CDC42BPB: variants seen among roughly 807,000 people sequenced by gnomAD.
CDC42BPB encodes the protein CDC42 binding protein kinase beta.
Under a neutral mutation model 214.9 loss-of-function variants are expected in CDC42BPB, and 37 were observed. The ratio of observed to expected loss-of-function variants is 0.17; its 90% CI spans 0.13 to 0.23. CDC42BPB has a LOEUF of 0.23. CDC42BPB is among the 10% of genes least tolerant of loss of function. CDC42BPB has a pLI of 1.00. For missense variants in CDC42BPB, 1,694 were observed against 2,227.0 expected, an observed-to-expected ratio of 0.76 and a Z score of 4.82; for synonymous variants, 931 against 884.0, an observed-to-expected ratio of 1.05 and a Z score of -0.94.
chr14:102,953,829 C>T (rs1892596964), intron 23 of CDC42BPB, among the ~76,000 whole-genome samples: 1 of 152,150 alleles, frequency 6.6e-6, no homozygotes, highest in African/African-American at 2.4e-5. Flanking sequence ...CCACATGGTT[C>T]TGTAAGGTTC....
rs764315898 is a variant in CDC42BPB, at chr14:102,954,586, G to A, written c.2988+16C>T. 1.2e-6 allele frequency: 2 copies of A among 1,607,314 alleles called. No homozygotes were observed. The highest frequency in any genetic ancestry group is 2.2e-5 in the East Asian group (1 of 44,780). ...AGACCCCAGGTGGGAGCATCACCAG[G>A]GCAACGCTGTCTCACCTCCTGCTGC... is the stretch of plus-strand genomic sequence containing the variant. On this transcript the variant is annotated intron_variant, in intron 22 of 36. Coordinates refer to ENST00000361246, the MANE Select transcript of CDC42BPB (RefSeq NM_006035.4).
chr14:103,029,196 G>C (rs1011887812), intron 1 of CDC42BPB, among the ~76,000 whole-genome samples: 24 of 152,162 alleles, frequency 1.6e-4, no homozygotes, highest in African/African-American at 5.8e-4. Context: ...GTCTCTGGAA[G>C]AAAAAATACT....
intron 5 of CDC42BPB, among the ~76,000 whole-genome samples, chr14:102,995,044 T>C (rs2139575025): frequency 6.6e-6 from 1 of 152,362 alleles, no homozygotes; most frequent in South Asian, 2.1e-4. Flanking sequence ...CTCAACTTTC[T>C]ACTTTAGCTT....
At chr14:102,980,515 G>A (rs539900210) in intron 8 of CDC42BPB, among the ~76,000 whole-genome samples, 2 of 152,218 alleles carry the variant, frequency 1.3e-5, no homozygotes, top group South Asian at 4.1e-4. Context: ...CAAGTACTGT[G>A]AAAATAAAAG....
rs1333408742 is a variant in CDC42BPB at position 102,932,762 on chromosome 14, C to A, written c.*950G>T. On this transcript the variant is annotated 3_prime_UTR_variant, in exon 37 of 37. Coordinates refer to ENST00000361246, the MANE Select transcript of CDC42BPB (RefSeq NM_006035.4). ...TACAAAGGGTGAGGTGAAATCCACGCGCAGGGGATTGCTGTGCCGTGGGCC... is the reference window on the plus strand; with the variant it reads ...TACAAAGGGTGAGGTGAAATCCACGAGCAGGGGATTGCTGTGCCGTGGGCC... 2.0e-5 allele frequency: 3 copies of A among 152,368 alleles called. No homozygotes were observed. Among genetic ancestry groups the A allele is most frequent in the African/African-American group, 7.3e-5 (3 of 41,316 alleles). 9.4% of individuals were successfully genotyped at this position (152,368 alleles called of 1,614,324 possible).
chr14:103,056,437 G>A (rs1394240726), intron 1 of CDC42BPB, among the ~76,000 whole-genome samples: 7 of 152,204 alleles, frequency 4.6e-5, no homozygotes, highest in Admixed American at 3.9e-4. Flanking sequence ...GGGGATGCAA[G>A]GGGGTCCCAC....
chr14:103,012,748 T>A (rs1034013052), intron 1 of CDC42BPB, among the ~76,000 whole-genome samples: 3 of 152,108 alleles, frequency 2.0e-5, no homozygotes, highest in Non-Finnish European at 4.4e-5. Flanking sequence ...GAGGTTACAA[T>A]GAGCCAAGAT....
chr14:102,978,370 ATCTG>A, intron 8 of CDC42BPB, 165 bp from the exon 9 acceptor site: 3 of 984,402 alleles, frequency 3.0e-6, no homozygotes, highest in Non-Finnish European at 3.6e-6. Context: ...AGTATAGCAG[ATCTG>A]TCTTTCTCAA....
At chr14:103,046,520 T>C (rs1888294061) in intron 1 of CDC42BPB, among the ~76,000 whole-genome samples, 1 of 152,000 alleles carries the variant, frequency 6.6e-6, no homozygotes, top group Admixed American at 6.6e-5. Context: ...ACAGACAAGG[T>C]AGGAGGCAAA....
At chr14:102,939,237 C>A (rs1490727286) in intron 34 of CDC42BPB, among the ~76,000 whole-genome samples, 1 of 152,240 alleles carries the variant, frequency 6.6e-6, no homozygotes, top group Non-Finnish European at 1.5e-5. Context: ...CCACGCCCAG[C>A]CAAAAACATA....
chr14:103,023,993 AG>A (rs1451697983), intron 1 of CDC42BPB, among the ~76,000 whole-genome samples: 1 of 152,178 alleles, frequency 6.6e-6, no homozygotes, highest in East Asian at 1.9e-4. Context: ...CCCCAGGAAC[AG>A]GATCACAGGA....
intron 3 of CDC42BPB, among the ~76,000 whole-genome samples, chr14:103,005,957 C>T (rs1447076815): frequency 1.4e-5 from 2 of 145,470 alleles, no homozygotes; most frequent in East Asian, 2.0e-4. Flanking sequence ...AGACCGAGGT[C>T]GCAGTGAGCC....
chr14:103,049,318 C>A (rs1049489189), intron 1 of CDC42BPB, among the ~76,000 whole-genome samples: 4 of 152,212 alleles, frequency 2.6e-5, no homozygotes, highest in Non-Finnish European at 5.9e-5. Flanking sequence ...GGATGGCCAC[C>A]GTCTCAGATG....
intron 1 of CDC42BPB, among the ~76,000 whole-genome samples, chr14:103,056,268 T>C (rs979618862): frequency 6.6e-6 from 1 of 151,422 alleles, no homozygotes; most frequent in East Asian, 1.9e-4. Flanking sequence ...AGAATTGGAA[T>C]TAAAAAAAAA....
intron 1 of CDC42BPB, among the ~76,000 whole-genome samples, chr14:103,046,286 C>A (rs984497973): frequency 1.3e-5 from 2 of 152,070 alleles, no homozygotes; most frequent in African/African-American, 2.4e-5. Context: ...ATAAAGAATT[C>A]TATCACTAAC....
In CDC42BPB at chr14:103,041,171, G is replaced by T. The variant is rs190973050; in HGVS notation, c.175+15828C>A. On this transcript the variant is annotated intron_variant, in intron 1 of 36. Transcript: ENST00000361246. ...GACAAGGATTCTAAGACCATTCAAC[G>T]GGGGAAAGAATATAGTCTGTTCGAC... Among the ~76,000 whole-genome samples, 3 of 152,258 alleles carry T rather than the reference G, an allele frequency of 2.0e-5. No individual in the cohort carries two copies. The East Asian group carries it at 5.8e-4, about 29-fold the overall frequency.
chr14:102,936,187 G>C (rs1027563367), intron 36 of CDC42BPB, among the ~76,000 whole-genome samples: 2 of 152,266 alleles, frequency 1.3e-5, no homozygotes, highest in South Asian at 4.1e-4. Flanking sequence ...AAAACAATTT[G>C]GTGGTTCCTC....
chr14:102,934,816 C>CCTGG (rs1204798686), intron 36 of CDC42BPB, among the ~76,000 whole-genome samples: 18 of 151,848 alleles, frequency 1.2e-4, no homozygotes, highest in South Asian at 2.1e-4. Context: ...TTGAGACCAT[C>CCTGG]CTAACACAGT....
At chr14:102,996,893 A>G (rs1274267556) in intron 5 of CDC42BPB, among the ~76,000 whole-genome samples, 1 of 152,168 alleles carries the variant, frequency 6.6e-6, no homozygotes, top group East Asian at 1.9e-4. Flanking sequence ...AAAAAGAAAG[A>G]AAGAGAAAGC....
Sources: gnomAD v4.1 joint callset for allele counts (sites outside exome capture counted in the v4.1 genomes callset) on GRCh38, gnomAD v4.1.1 for gene constraint, MANE v1.5 for transcripts, NCBI Gene and HGNC (gene_info 2026-07-23, HGNC 2026-07-21) for gene names.